Variants in RAB2A observed in about 807,000 individuals in gnomAD.
The protein encoded by RAB2A is RAB2A, member RAS oncogene family.
In RAB2A, 7 loss-of-function variants were observed where a neutral mutation model predicts 32.5. The ratio of observed to expected loss-of-function variants is 0.22; its 90% CI spans 0.12 to 0.40. The LOEUF is 0.40. Ranked by LOEUF, RAB2A falls within the 10% of genes least tolerant of loss-of-function variation. RAB2A has a pLI of 1.00. For missense variants in RAB2A, 108 were observed against 260.7 expected (o/e 0.41, Z 4.03); for synonymous variants, 79 against 85.2 (o/e 0.93, Z 0.40).
intron 1 of RAB2A, among the ~76,000 whole-genome samples, chr8:60,541,171 GA>G (rs1417227359): frequency 1.3e-5 from 2 of 152,056 alleles, no homozygotes; most frequent in African/African-American, 2.4e-5. Flanking sequence ...GTCTAATCAT[GA>G]AAAAATTAGA....
intron 3 of RAB2A, among the ~76,000 whole-genome samples, chr8:60,577,468 T>C (rs1235297571): frequency 6.6e-6 from 1 of 152,210 alleles, no homozygotes; most frequent in African/African-American, 2.4e-5. Flanking sequence ...CTAGTGCAGG[T>C]TGACTTTTTC....
At chr8:60,618,501 T>C (rs1804484198) in intron 6 of RAB2A, 79 bp from the exon 7 acceptor site, 3 of 648,202 alleles carry the variant, frequency 4.6e-6, no homozygotes, top group Non-Finnish European at 4.5e-6. Flanking sequence ...TTGAATGTTA[T>C]GATATTCTAT....
At chr8:60,569,192 T>A (rs1563472890) in intron 2 of RAB2A, among the ~76,000 whole-genome samples, 1 of 152,166 alleles carries the variant, frequency 6.6e-6, no homozygotes, top group East Asian at 1.9e-4. Flanking sequence ...ACTTGTCAAT[T>A]TTTCCTTTTG....
chr8:60,552,166 C>G (rs1449131189), intron 1 of RAB2A, among the ~76,000 whole-genome samples: 1 of 151,576 alleles, frequency 6.6e-6, no homozygotes, highest in African/African-American at 2.4e-5. Context: ...CCACATCCAG[C>G]TACTTTCTGT....
rs777454882 is a variant in RAB2A, at chr8:60,526,055, AT to A, written c.46+8803del. 4.5e-3 allele frequency among the ~76,000 whole-genome samples: 455 copies of A among 100,054 alleles called. 8 individuals carry two copies. The highest frequency in any genetic ancestry group is 0.013 in the African/African-American group (351 of 27,170). 65.6% of individuals were successfully genotyped at this position (100,054 alleles called of 152,430 possible). A position where few individuals can be genotyped will look rare whatever the true frequency, so the allele number is the denominator to read the frequency against. On this transcript the variant is annotated intron_variant, in intron 1 of 7. Transcript: ENST00000262646. ...TATATATATATATATATATATATAT[AT>A]AAGTTTTCTGTTGCTAGCATAACAA...
intron 1 of RAB2A, among the ~76,000 whole-genome samples, chr8:60,518,157 C>T (rs1333609122): frequency 6.6e-6 from 1 of 152,078 alleles, no homozygotes; most frequent in African/African-American, 2.4e-5. Flanking sequence ...ACAGACTCTT[C>T]GTAGATATTT....
chr8:60,549,509 A>G (rs1241534065), intron 1 of RAB2A, among the ~76,000 whole-genome samples: 1 of 151,250 alleles, frequency 6.6e-6, no homozygotes, highest in Non-Finnish European at 1.5e-5. Context: ...TGTGGATTGA[A>G]AACTACTAAT....
Position 60,620,953 on chromosome 8 carries a change from G to C in RAB2A, c.*184G>C, listed in dbSNP as rs1230024935. ...ATGTTCACTTAAAAGACAGATTTTG[G>C]AGATTGTATTCATATCTATTTGCAT... On this transcript the variant is annotated 3_prime_UTR_variant, in exon 8 of 8. Coordinates refer to ENST00000262646, the MANE Select transcript of RAB2A (RefSeq NM_002865.3). 1.9e-6 allele frequency: 1 copy of C among 537,316 alleles called. No homozygotes were observed. Among genetic ancestry groups the C allele is most frequent in the African/African-American group, 2.0e-5 (1 of 50,762 alleles). The allele number at this position is 537,316 out of a possible 1,614,324, so 33.3% of individuals were successfully genotyped here.
intron 1 of RAB2A, among the ~76,000 whole-genome samples, chr8:60,551,641 C>G (rs531283593): frequency 1.3e-5 from 2 of 152,120 alleles, no homozygotes; most frequent in African/African-American, 4.8e-5. Flanking sequence ...TACAGTGGTG[C>G]AAAAGTGACA....
Position 60,560,897 on chromosome 8 carries a change from C to A in RAB2A, c.118+1974C>A, listed in dbSNP as rs1168600298. Among the ~76,000 whole-genome samples, 6 of 152,064 alleles carry A rather than the reference C, an allele frequency of 3.9e-5. No individual in the cohort carries two copies. In the East Asian group the frequency reaches 1.2e-3, roughly 29 times the overall value. On this transcript the variant is annotated intron_variant, in intron 2 of 7. Transcript: ENST00000262646. Reference sequence around the variant, plus strand: ...TGCGGGGAAAGAGAAAGGAGTAGACCCAAGAATTGTTTGGAAAACTGTAAC... The same window carrying A: ...TGCGGGGAAAGAGAAAGGAGTAGACACAAGAATTGTTTGGAAAACTGTAAC...
intron 1 of RAB2A, among the ~76,000 whole-genome samples, chr8:60,537,154 G>A (rs767833984): frequency 6.6e-6 from 1 of 152,130 alleles, no homozygotes; most frequent in Non-Finnish European, 1.5e-5. Flanking sequence ...ATTCATGTGT[G>A]TAAATGCATA....
intron 1 of RAB2A, among the ~76,000 whole-genome samples, chr8:60,540,204 C>T (rs543525452): frequency 2.0e-5 from 3 of 149,800 alleles, no homozygotes; most frequent in African/African-American, 7.4e-5. Flanking sequence ...TTGTCTTTTT[C>T]TCATCCATTC....
At chr8:60,549,179 C>G (rs1177167857) in intron 1 of RAB2A, among the ~76,000 whole-genome samples, 1 of 151,798 alleles carries the variant, frequency 6.6e-6, no homozygotes, top group Non-Finnish European at 1.5e-5. Context: ...CAGAGGGGCT[C>G]CTCACATCCC....
chr8:60,585,102 T>C (rs2130849503), intron 5 of RAB2A, among the ~76,000 whole-genome samples: 1 of 152,298 alleles, frequency 6.6e-6, no homozygotes, highest in East Asian at 1.9e-4. Flanking sequence ...TACTGATTTA[T>C]TTGGGGAGTT....
In RAB2A at chr8:60,584,824, G is replaced by A. The variant is rs1361632237; in HGVS notation, c.362+9G>A. ...CTTATTGGAAATAAAAGGTAAAAAG[G>A]CTAATTTAGAGCTTACATTGCATTA... On this transcript the variant is annotated intron_variant, in intron 5 of 7. Transcript: ENST00000262646. 6.3e-7 allele frequency: 1 copy of A among 1,594,486 alleles called. No individual in the cohort carries two copies. Among genetic ancestry groups the A allele is most frequent in the South Asian group, 1.1e-5 (1 of 90,470 alleles).
chr8:60,573,456 T>TA (rs1758394895), intron 3 of RAB2A, among the ~76,000 whole-genome samples: 3 of 152,198 alleles, frequency 2.0e-5, no homozygotes, highest in African/African-American at 7.2e-5. Flanking sequence ...GGTTTCCTGA[T>TA]ACTTCCTATG....
At chr8:60,590,544 T>TTA (rs926133534) in intron 5 of RAB2A, among the ~76,000 whole-genome samples, 17 of 146,482 alleles carry the variant, frequency 1.2e-4, no homozygotes, top group African/African-American at 3.7e-4. Context: ...TATATATATT[T>TTA]TATATATATA....
intron 6 of RAB2A, among the ~76,000 whole-genome samples, chr8:60,604,380 G>T (rs546305782): frequency 6.6e-6 from 1 of 152,330 alleles, no homozygotes; most frequent in African/African-American, 2.4e-5. Flanking sequence ...GTACTGAGGA[G>T]TGGGGCTTTG....
intron 5 of RAB2A, chr8:60,591,563 C>T (rs1232129431): frequency 5.2e-6 from 1 of 190,798 alleles, no homozygotes; most frequent in Non-Finnish European, 1.1e-5. Flanking sequence ...TCTGGGAATG[C>T]ACTGTACTCA....
Sources: allele counts gnomAD v4.1 joint callset (sites outside exome capture counted in the v4.1 genomes callset), GRCh38; gene constraint gnomAD v4.1.1; transcripts MANE v1.5; gene names NCBI Gene and HGNC (gene_info 2026-07-23, HGNC 2026-07-21).